Variants in EDA observed in about 807,000 individuals in gnomAD.
EDA encodes the protein ectodysplasin-A.
A neutral mutation model predicts 23.6 loss-of-function variants in EDA; 2 were observed. That is an observed-to-expected ratio of 0.08 (90% CI 0.03 to 0.27). The LOEUF is 0.27. Among genes scored for constraint, EDA ranks in the 10% least tolerant of loss-of-function variants. EDA has a pLI of 1.00. For missense variants in EDA, 229 were observed against 324.2 expected (o/e 0.71, Z 2.26); for synonymous variants, 131 against 132.0 (o/e 0.99, Z 0.05).
At chrX:69,730,437 G>A (rs2012979037) in intron 1 of EDA, among the ~76,000 whole-genome samples, 2 of 112,159 alleles carry the variant, frequency 1.8e-5, no homozygotes, top group East Asian at 5.6e-4. Flanking sequence ...AGACAGGGAT[G>A]TAAGTATGAG....
intron 1 of EDA, among the ~76,000 whole-genome samples, chrX:69,791,937 C>T (rs771354549): frequency 4.5e-5 from 5 of 112,204 alleles, no homozygotes; most frequent in East Asian, 2.8e-4. Flanking sequence ...CCACTGCACC[C>T]GGCAACAATT....
chrX:69,953,883 A>G (rs2018962734), intron 1 of EDA, among the ~76,000 whole-genome samples: 1 of 111,953 alleles, frequency 8.9e-6, no homozygotes, highest in Non-Finnish European at 1.9e-5. Context: ...TCTCAGGGTC[A>G]GGGGTACTGG....
In EDA at chrX:70,039,452, T is replaced by C. The variant is rs777584684; in HGVS notation, c.*3843T>C. 4 of 112,172 alleles carry C rather than the reference T, an allele frequency of 3.6e-5. No homozygotes were observed. The highest frequency in any genetic ancestry group is 1.3e-4 in the African/African-American group (4 of 30,819). 9.2% of individuals were successfully genotyped at this position (112,172 alleles called of 1,213,427 possible). A position where few individuals can be genotyped will look rare whatever the true frequency, so the allele number is the denominator to read the frequency against. ...GGTTTATTCTTTGCAAATAAAACGC[T>C]TTCCCCGTCTGTTCTTGAAATCGGC... On this transcript the variant is annotated 3_prime_UTR_variant, in exon 8 of 8. Transcript: ENST00000374552.
At chrX:69,659,963 A>G (rs1933432901) in intron 1 of EDA, among the ~76,000 whole-genome samples, 1 of 111,694 alleles carries the variant, frequency 9.0e-6, no homozygotes, top group South Asian at 3.7e-4. Flanking sequence ...AATCCTAGGC[A>G]TGGATGTGTC....
intron 2 of EDA, among the ~76,000 whole-genome samples, chrX:70,009,676 TC>T (rs1328452088): frequency 9.0e-6 from 1 of 111,546 alleles, no homozygotes; most frequent in East Asian, 2.8e-4. Context: ...AACGTCCGCC[TC>T]CCAGGTTCAA....
chrX:69,731,940 C>A (rs1230837857), intron 1 of EDA, among the ~76,000 whole-genome samples: 1 of 110,992 alleles, frequency 9.0e-6, no homozygotes, highest in Admixed American at 9.6e-5. Context: ...GCCTCCCATT[C>A]CTAATTTATT....
chrX:69,618,245 G>A (rs1432579854), intron 1 of EDA, among the ~76,000 whole-genome samples: 2 of 111,964 alleles, frequency 1.8e-5, no homozygotes, highest in African/African-American at 6.5e-5. Context: ...GATGGACAGA[G>A]CCATTTTTAT....
chrX:69,689,832 T>C (rs1273661295), intron 1 of EDA, among the ~76,000 whole-genome samples: 1 of 112,094 alleles, frequency 8.9e-6, no homozygotes, highest in Non-Finnish European at 1.9e-5. Flanking sequence ...AGATCTTCGT[T>C]ACTTTCTTTC....
chrX:69,749,968 A>G (rs2147387178), intron 1 of EDA, among the ~76,000 whole-genome samples: 1 of 77,641 alleles, frequency 1.3e-5, no homozygotes, highest in African/African-American at 5.3e-5. Flanking sequence ...AGAGGGGGCC[A>G]TCGCTTCTGT....
rs2019415101 is a variant in EDA at position 69,981,997 on chromosome X, T to C, written c.502+24865T>C. 2.7e-5 allele frequency among the ~76,000 whole-genome samples: 3 copies of C among 111,366 alleles called. No homozygotes were observed. The Admixed American group carries it at 2.9e-4, about 11-fold the overall frequency. On this transcript the variant is annotated intron_variant, in intron 2 of 7. Coordinates refer to ENST00000374552, the MANE Select transcript of EDA (RefSeq NM_001399.5). ...GCAGCAGCATCTGAAGCATAGTGGT[T>C]GGAGGAGAGGGGAAGGGGGCGTTTA...
chrX:69,861,580 G>T (rs1277060544), intron 1 of EDA, among the ~76,000 whole-genome samples: 1 of 111,607 alleles, frequency 9.0e-6, no homozygotes, highest in Admixed American at 9.6e-5. Flanking sequence ...AAATTCTCTG[G>T]TTAAAAGACA....
chrX:69,643,905 A>G (rs181903409), intron 1 of EDA, among the ~76,000 whole-genome samples: 12 of 111,282 alleles, frequency 1.1e-4, no homozygotes, highest in Non-Finnish European at 2.1e-4. Context: ...TTTGTTGAAA[A>G]TCAGATGGTT....
At chrX:69,669,972 G>A (rs908052658) in intron 1 of EDA, among the ~76,000 whole-genome samples, 1 of 111,773 alleles carries the variant, frequency 8.9e-6, no homozygotes, top group African/African-American at 3.3e-5. Context: ...ATTTGAGTAT[G>A]TATTTACCTC....
intron 1 of EDA, among the ~76,000 whole-genome samples, chrX:69,734,719 C>T (rs1334028268): frequency 9.0e-6 from 1 of 111,211 alleles, no homozygotes; most frequent in African/African-American, 3.3e-5. Context: ...GTTTAATTTC[C>T]AAGCATTTGG....
At chrX:69,913,964 C>G (rs981743390) in intron 1 of EDA, among the ~76,000 whole-genome samples, 7 of 111,861 alleles carry the variant, frequency 6.3e-5, no homozygotes, top group African/African-American at 2.3e-4. Context: ...ATTAAGTTTT[C>G]TCTCTTATAT....
At chrX:69,636,216 G>A (rs1932771166) in intron 1 of EDA, among the ~76,000 whole-genome samples, 1 of 109,968 alleles carries the variant, frequency 9.1e-6, no homozygotes, top group African/African-American at 3.3e-5. Context: ...GTTCTCATGA[G>A]GTCTGGTTGT....
chrX:69,772,577 G>A (rs1041576219), intron 1 of EDA, among the ~76,000 whole-genome samples: 1 of 111,283 alleles, frequency 9.0e-6, no homozygotes, highest in Non-Finnish European at 1.9e-5. Flanking sequence ...GGGTATGATT[G>A]ATCCTATCCT....
chrX:69,937,822 G>A lies in EDA; in HGVS notation c.397-19205G>A, dbSNP rs184134063. The A allele has an allele frequency of 1.3e-4, 160 of 1,190,813 alleles. 1 individual carries two copies. The South Asian group carries it at 1.5e-3, about 11-fold the overall frequency. On this transcript the variant is annotated intron_variant, in intron 1 of 7. Transcript: ENST00000374552. ...ATCTTTAACAAGTCTACATTACACC[G>A]CAATAGTTGGTATTGATAGTCAGCA...
chrX:69,624,789 C>CCTCTCTCTCTCT (rs751401580), intron 1 of EDA, among the ~76,000 whole-genome samples: 1 of 95,762 alleles, frequency 1.0e-5, no homozygotes, highest in African/African-American at 3.8e-5. Context: ...GTCAGAAGCT[C>CCTCTCTCTCTCT]CTCTCTCTCT....
Sources: gnomAD v4.1 joint callset for allele counts (sites outside exome capture counted in the v4.1 genomes callset) on GRCh38, gnomAD v4.1.1 for gene constraint, MANE v1.5 for transcripts, NCBI Gene and HGNC (gene_info 2026-07-23, HGNC 2026-07-21) for gene names.